The following CARHSP1 variants were observed in gnomAD, a reference collection of about 807,000 sequenced individuals.
CARHSP1 encodes the protein calcium regulated heat stable protein 1.
Under a neutral mutation model 12.5 loss-of-function variants are expected in CARHSP1, and 14 were observed. The observed-to-expected ratio is 1.12, with a 90% confidence interval of 0.74 to 1.75. The LOEUF is 1.75. Among genes scored for constraint, CARHSP1 ranks in the 40% most tolerant of loss-of-function variants. The pLI, the probability that CARHSP1 is intolerant of heterozygous loss-of-function variation, is 0.00. For missense variants in CARHSP1, 343 were observed against 201.6 expected (o/e 1.70, Z -4.25); for synonymous variants, 161 against 82.0 (o/e 1.96, Z -5.20).
chr16:8,856,331 T>C (rs567491969), intron 3 of CARHSP1, among the ~76,000 whole-genome samples: 1 of 151,672 alleles, frequency 6.6e-6, no homozygotes, highest in African/African-American at 2.4e-5. Flanking sequence ...TAGTAACTGG[T>C]TTGTTTTGAT....
At chr16:8,868,117 G>C (rs930680997) in intron 1 of CARHSP1, 1 of 152,644 alleles carries the variant, frequency 6.6e-6, no homozygotes, top group Non-Finnish European at 1.5e-5. Flanking sequence ...GAAGAAGTCA[G>C]AGCCCAGTCT....
intron 1 of CARHSP1, among the ~76,000 whole-genome samples, chr16:8,865,753 A>G (rs1346961249): frequency 6.6e-6 from 1 of 152,228 alleles, no homozygotes; most frequent in Non-Finnish European, 1.5e-5. Flanking sequence ...GGGGATTACA[A>G]ACATCAACTA....
intron 1 of CARHSP1, among the ~76,000 whole-genome samples, chr16:8,862,899 C>T (rs2061391423): frequency 3.3e-5 from 5 of 152,088 alleles, no homozygotes. Context: ...GTGAATGGCA[C>T]AGACCCAAAA....
intron 1 of CARHSP1, chr16:8,866,553 T>G (rs1321409696): frequency 1.4e-6 from 1 of 716,380 alleles, no homozygotes; most frequent in African/African-American, 1.9e-5. Flanking sequence ...GCGGGTCAGC[T>G]GAGCCCAGAT....
chr16:8,863,003 G>A (rs1567188927), intron 1 of CARHSP1, among the ~76,000 whole-genome samples: 2 of 152,044 alleles, frequency 1.3e-5, no homozygotes, highest in Admixed American at 1.3e-4. Flanking sequence ...GGCCTGTAGG[G>A]GTGAGGAGTC....
chr16:8,858,275 C>T (rs2061216155), intron 3 of CARHSP1, 75 bp downstream of exon 3: 1 of 1,555,148 alleles, frequency 6.4e-7, no homozygotes, highest in African/African-American at 1.4e-5. Flanking sequence ...ATCAGAGTCA[C>T]ACACCATCCC....
intron 1 of CARHSP1, among the ~76,000 whole-genome samples, chr16:8,862,915 GCCC>G (rs1381826795): frequency 6.6e-6 from 1 of 151,918 alleles, no homozygotes; most frequent in Non-Finnish European, 1.5e-5. Context: ...CAAAATGGGG[GCCC>G]CCTTCTTTCT....
At position 8,858,429 on chromosome 16, in the gene CARHSP1, T is replaced by C; in HGVS notation, c.202A>G (p.Lys68Glu). Reference protein sequence around the residue: ...SQGPVYKGVCKCFCRSKGHGF... With the variant: ...SQGPVYKGVCECFCRSKGHGF... ...TGGCCCTTGGACCGGCAGAAGCATT[T>C]GCAGACTCCTTTGTAGACGGGGCCC... Residue 68 changes from lysine to glutamate, a missense_variant, in exon 3 of 4, where the codon AAA becomes GAA. Physicochemically the swap from Lys to Glu is moderately conservative, Grantham distance 56 (BLOSUM62 1). Transcript: ENST00000311052. 6.2e-7 allele frequency: 1 copy of C among 1,614,044 alleles called. No individual in the cohort carries two copies. The highest frequency in any genetic ancestry group is 8.5e-7 in the Non-Finnish European group (1 of 1,180,018).
At chr16:8,865,929 T>TG (rs1270154641) in intron 1 of CARHSP1, among the ~76,000 whole-genome samples, 3 of 152,122 alleles carry the variant, frequency 2.0e-5, no homozygotes, top group Non-Finnish European at 4.4e-5. Context: ...TCAGCAGGTG[T>TG]GGGGTGGGGC....
rs752977620 is a variant in CARHSP1, at chr16:8,859,245, C to A, written c.84G>T (p.Glu28Asp). ...VGLLDTPRSR[E>D]RSPSPLRGNV... ...TGCCCCGCAGAGGGGATGGTGAGCG[C>A]TCACGGCTCCGAGGGGTGTCCAGCA... The change falls in exon 2 of 4, where the codon GAG becomes GAT. Residue 28 changes from glutamate (E) to aspartate (D), a missense_variant. Coordinates refer to ENST00000311052, the MANE Select transcript of CARHSP1 (RefSeq NM_014316.4). 12 of 1,600,634 alleles carry A rather than the reference C, an allele frequency of 7.5e-6. No homozygotes were observed. Among genetic ancestry groups the A allele is most frequent in the Non-Finnish European group, 1.0e-5 (12 of 1,176,558 alleles).
chr16:8,864,438 G>C (rs2061422600), intron 1 of CARHSP1, among the ~76,000 whole-genome samples: 1 of 152,124 alleles, frequency 6.6e-6, no homozygotes, highest in Non-Finnish European at 1.5e-5. Flanking sequence ...AGTGTCCTGG[G>C]GCCATTCTGC....
At chr16:8,865,029 G>A (rs1282482525) in intron 1 of CARHSP1, among the ~76,000 whole-genome samples, 1 of 152,202 alleles carries the variant, frequency 6.6e-6, no homozygotes, top group Non-Finnish European at 1.5e-5. Context: ...AAGCAGCCCT[G>A]TGCTTACTGC....
At chr16:8,857,207 G>A (rs1287459837) in intron 3 of CARHSP1, among the ~76,000 whole-genome samples, 4 of 145,876 alleles carry the variant, frequency 2.7e-5, no homozygotes, top group Non-Finnish European at 6.0e-5. Flanking sequence ...AAGCATAGTC[G>A]GGCACCCCCA....
chr16:8,865,813 T>C (rs1161799567), intron 1 of CARHSP1, among the ~76,000 whole-genome samples: 1 of 152,204 alleles, frequency 6.6e-6, no homozygotes, highest in Non-Finnish European at 1.5e-5. Flanking sequence ...AGCAGCCCTG[T>C]TTTACAGATG....
In CARHSP1 at chr16:8,853,787, C is replaced by T. The variant is rs2061010970; in HGVS notation, c.*1377G>A. 3 of 152,116 alleles carry T rather than the reference C, an allele frequency of 2.0e-5. No individual in the cohort carries two copies. The highest frequency in any genetic ancestry group is 4.8e-5 in the African/African-American group (2 of 41,414). 9.4% of individuals were successfully genotyped at this position (152,116 alleles called of 1,614,324 possible). ...CTAAGGATTTGTTTACCAGAAATAC[C>T]TACAAAAAAGTTTGCAGGCCGGGCG... On this transcript the variant is annotated 3_prime_UTR_variant, in exon 4 of 4. Coordinates refer to ENST00000311052, the MANE Select transcript of CARHSP1 (RefSeq NM_014316.4).
intron 1 of CARHSP1, chr16:8,860,322 C>T (rs2061312047): frequency 1.0e-6 from 1 of 985,238 alleles, no homozygotes; most frequent in South Asian, 4.7e-5. Context: ...GTTATGAAAT[C>T]AAATTCCTTC....
chr16:8,856,091 GAGCC>G (rs2061094801), intron 3 of CARHSP1, among the ~76,000 whole-genome samples: 1 of 152,202 alleles, frequency 6.6e-6, no homozygotes, highest in South Asian at 2.1e-4. Flanking sequence ...TTACAAGCGT[GAGCC>G]ACCACGCCTG....
At chr16:8,861,256 G>A (rs1030021744) in intron 1 of CARHSP1, among the ~76,000 whole-genome samples, 1 of 129,314 alleles carries the variant, frequency 7.7e-6, no homozygotes, top group Non-Finnish European at 1.6e-5. Context: ...TGGGCTCAAC[G>A]GATTCTCCCA....
chr16:8,857,034 C>G (rs963916098), intron 3 of CARHSP1, among the ~76,000 whole-genome samples: 1 of 152,140 alleles, frequency 6.6e-6, no homozygotes, highest in Non-Finnish European at 1.5e-5. Context: ...GTCCACCTCC[C>G]CCAAAGGAGG....
Sources: gnomAD v4.1 joint callset for allele counts (sites outside exome capture counted in the v4.1 genomes callset) on GRCh38, gnomAD v4.1.1 for gene constraint, MANE v1.5 for transcripts, NCBI Gene and HGNC (gene_info 2026-07-23, HGNC 2026-07-21) for gene names.